The following RADX variants were observed in gnomAD, a reference collection of about 807,000 sequenced individuals.
RADX encodes the protein RPA1 related single stranded DNA binding protein, X-linked.
A neutral mutation model predicts 61.6 loss-of-function variants in RADX; 36 were observed. That is an observed-to-expected ratio of 0.58 (90% confidence interval 0.45 to 0.77). The LOEUF (loss-of-function observed/expected upper bound fraction) is 0.77, where lower values mean the gene tolerates loss of function less well. RADX is among the 30% of genes least tolerant of loss of function. The probability of loss-of-function intolerance (pLI) is 0.00; values close to 1 mark genes in which losing one functional copy is unlikely to be tolerated. For missense variants in RADX, 497 were observed against 651.1 expected, an observed-to-expected ratio of 0.76 and a Z score of 2.58; for synonymous variants, 272 against 237.9, an observed-to-expected ratio of 1.14 and a Z score of -1.32.
At chrX:106,631,759 A>G (rs960734999) in intron 3 of RADX, among the ~76,000 whole-genome samples, 69 of 103,457 alleles carry the variant, frequency 6.7e-4, no homozygotes, top group Non-Finnish European at 1.2e-3. Context: ...GAAGGGAGGG[A>G]GGGAGAGAGA....
intron 13 of RADX, among the ~76,000 whole-genome samples, chrX:106,672,263 C>T (rs1928383818): frequency 9.0e-6 from 1 of 111,709 alleles, no homozygotes; most frequent in South Asian, 3.7e-4. Context: ...TCATCCCAAA[C>T]AGAAACTCTG....
chrX:106,626,855 G>A (rs1927086839), intron 3 of RADX, among the ~76,000 whole-genome samples: 1 of 111,246 alleles, frequency 9.0e-6, no homozygotes, highest in Non-Finnish European at 1.9e-5. Context: ...TTTTTGATAA[G>A]TAACAGGACT....
chrX:106,656,661 G>A (rs1000586012), intron 11 of RADX, among the ~76,000 whole-genome samples: 3 of 111,658 alleles, frequency 2.7e-5, no homozygotes, highest in Non-Finnish European at 5.6e-5. Context: ...CTCCTTGATG[G>A]AACTCCGTCA....
At chrX:106,660,558 A>G (rs1223764164) in intron 11 of RADX, among the ~76,000 whole-genome samples, 2 of 112,261 alleles carry the variant, frequency 1.8e-5, no homozygotes, top group Non-Finnish European at 3.8e-5. Context: ...ATGCTAGGAT[A>G]AGAATACCAG....
At position 106,640,575 on chromosome X, in the gene RADX, T is replaced by C. The variant is rs1311614483; in HGVS notation, c.1758T>C (p.Ser586=). 1 of 1,197,790 alleles carries C rather than the reference T, an allele frequency of 8.3e-7. No individual in the cohort carries two copies. Among genetic ancestry groups the C allele is most frequent in the Non-Finnish European group, 1.1e-6 (1 of 888,629 alleles). Reference sequence around the variant, plus strand: ...AGAATGCTAACAGACCCTCGACCTCTCAAGCAGCTAGAGTAGAAATTCAAG... The same window carrying C: ...AGAATGCTAACAGACCCTCGACCTCCCAAGCAGCTAGAGTAGAAATTCAAG... ...TLRNANRPST[S]QAARVEIQER... Residue 586 remains serine (S), a synonymous_variant, in exon 10 of 14, where the codon TCT becomes TCC. Coordinates refer to ENST00000372548, the MANE Select transcript of RADX (RefSeq NM_018015.6).
chrX:106,651,351 A>G (rs1307146626), intron 11 of RADX, among the ~76,000 whole-genome samples: 1 of 111,368 alleles, frequency 9.0e-6, no homozygotes, highest in Non-Finnish European at 1.9e-5. Flanking sequence ...TTTTATGTCT[A>G]CCTAAACAAT....
At chrX:106,673,277 C>T (rs190478069) in intron 13 of RADX, among the ~76,000 whole-genome samples, 134 of 111,055 alleles carry the variant, frequency 1.2e-3, no homozygotes, top group Non-Finnish European at 2.0e-3. Context: ...ACCCAAGATC[C>T]TTGACATAGT....
At chrX:106,657,137 A>G (rs936163177) in intron 11 of RADX, among the ~76,000 whole-genome samples, 1 of 112,431 alleles carries the variant, frequency 8.9e-6, no homozygotes, top group Non-Finnish European at 1.9e-5. Context: ...TGCAGCTTCT[A>G]CATCAGAACT....
chrX:106,618,785 G>A (rs1356319769), intron 1 of RADX, among the ~76,000 whole-genome samples: 1 of 110,690 alleles, frequency 9.0e-6, no homozygotes, highest in Non-Finnish European at 1.9e-5. Context: ...TGGACCAAAA[G>A]AGTGAGACCT....
chrX:106,650,748 A>G (rs1461643699), intron 11 of RADX, among the ~76,000 whole-genome samples: 2 of 111,672 alleles, frequency 1.8e-5, no homozygotes, highest in African/African-American at 3.3e-5. Flanking sequence ...AGGAATAAAT[A>G]AAAGTCAGTA....
intron 1 of RADX, 23 bp from the exon 2 acceptor site, chrX:106,622,628 C>A: frequency 9.5e-7 from 1 of 1,049,822 alleles, no homozygotes; most frequent in Admixed American, 2.6e-5. Context: ...AACAGGATTT[C>A]TTTCCTCTTT....
chrX:106,619,031 T>C (rs953074473), intron 1 of RADX, among the ~76,000 whole-genome samples: 6 of 110,927 alleles, frequency 5.4e-5, no homozygotes, highest in Admixed American at 9.6e-5. Flanking sequence ...TATGCCACCT[T>C]ATTTTTTTTT....
intron 10 of RADX, among the ~76,000 whole-genome samples, chrX:106,641,020 A>C (rs998313864): frequency 3.6e-5 from 4 of 110,667 alleles, no homozygotes; most frequent in Non-Finnish European, 5.7e-5. Flanking sequence ...AACTTGTAGA[A>C]GCATCACCCC....
Position 106,637,853 on chromosome X carries a change from T to C in RADX, c.1502T>C (p.Met501Thr), listed in dbSNP as rs749074460. The C allele has an allele frequency of 8.3e-7, 1 of 1,205,994 alleles. No homozygotes were observed. The highest frequency in any genetic ancestry group is 1.1e-6 in the Non-Finnish European group (1 of 890,449). The change falls in exon 8 of 14, where the codon ATG becomes ACG. Residue 501 changes from methionine to threonine, a missense_variant. Physicochemically the swap from Met to Thr is moderately conservative, Grantham distance 81. Transcript: ENST00000372548. ...TCTGATTCCGGGGAACAGAAGAATA[T>C]GGTTATTGGTGGATATTACCCCTAT... Reference protein sequence around the residue: ...TKSDSGEQKNMVIGGYYPYPP... With the variant: ...TKSDSGEQKNTVIGGYYPYPP...
At chrX:106,652,019 C>CT (rs202037491) in intron 11 of RADX, among the ~76,000 whole-genome samples, 11,560 of 105,650 alleles carry the variant, frequency 0.11, 1,622 homozygotes, top group African/African-American at 0.38. Flanking sequence ...CCATCTCTCT[C>CT]TTTTTTTTTT....
rs780808630 is a variant in RADX, at chrX:106,613,648, T to C, written c.643+925T>C. Among the ~76,000 whole-genome samples, 4 of 111,971 alleles carry C rather than the reference T, an allele frequency of 3.6e-5. No homozygotes were observed. The East Asian group carries it at 1.1e-3, about 31-fold the overall frequency. ...CTGTGACGTGTAAGAGCAACAAACT[T>C]GAAAGTAAAAGAATAACTAGCTCAA... On this transcript the variant is annotated intron_variant, in intron 1 of 13. Coordinates refer to ENST00000372548, the MANE Select transcript of RADX (RefSeq NM_018015.6).
intron 1 of RADX, 33 bp downstream of exon 1, chrX:106,612,756 A>T (rs750787439): frequency 2.0e-5 from 22 of 1,118,974 alleles, no homozygotes; most frequent in Admixed American, 1.2e-4. Context: ...AGAGGGTTTT[A>T]AAAAAAATAG....
chrX:106,671,754 A>C (rs181569176), intron 13 of RADX, among the ~76,000 whole-genome samples: 1 of 111,993 alleles, frequency 8.9e-6, no homozygotes, highest in East Asian at 2.8e-4. Flanking sequence ...TGCATTTATC[A>C]ATTTCTGAGC....
chrX:106,667,277 T>G (rs1252123534), intron 12 of RADX, among the ~76,000 whole-genome samples: 1 of 111,655 alleles, frequency 9.0e-6, no homozygotes, highest in Non-Finnish European at 1.9e-5. Flanking sequence ...GCCTATTGAC[T>G]TAAACGTTTG....
Sources: allele counts gnomAD v4.1 joint callset (sites outside exome capture counted in the v4.1 genomes callset), GRCh38; gene constraint gnomAD v4.1.1; transcripts MANE v1.5; gene names NCBI Gene and HGNC (gene_info 2026-07-23, HGNC 2026-07-21).